The following C1orf159 variants were observed in gnomAD, a reference collection of about 807,000 sequenced individuals.
C1orf159 encodes chromosome 1 open reading frame 159, also known as uncharacterized protein C1orf159.
In C1orf159, 19 loss-of-function variants were observed where a neutral mutation model predicts 25.6. The observed-to-expected ratio is 0.74, with a 90% CI of 0.52 to 1.09. C1orf159 has a LOEUF of 1.09. C1orf159 is among the 50% of genes least tolerant of loss of function. The pLI is 0.00. For missense variants in C1orf159, 274 were observed against 290.6 expected (o/e 0.94, Z 0.42); for synonymous variants, 139 against 124.7 (o/e 1.12, Z -0.77).
chr1:1,112,236 C>T (rs769921290), intron 1 of C1orf159, among the ~76,000 whole-genome samples: 1 of 152,242 alleles, frequency 6.6e-6, no homozygotes. Flanking sequence ...CTTCCCGATA[C>T]GATCTCAGGA....
At position 1,110,276 on chromosome 1, in the gene C1orf159, GT is replaced by G. The variant is rs1646239571; in HGVS notation, c.-136+5783del. ...TATGGCCGGAAACTCAATTTTTAAG[GT>G]TTCTCTGGGGTCCCCTTGACCAAGA... On this transcript the variant is annotated intron_variant, in intron 1 of 9. Coordinates refer to ENST00000421241, the MANE Select transcript of C1orf159 (RefSeq NM_017891.5). The surrounding 1 kb of genome is among the most constrained non-coding windows in gnomAD (Gnocchi z 4.8). Among the ~76,000 whole-genome samples the G allele has an allele frequency of 6.6e-6, 1 of 152,170 alleles. No homozygotes were observed. The highest frequency in any genetic ancestry group is 6.5e-5 in the Admixed American group (1 of 15,270).
At chr1:1,105,847 C>G (rs1646163691) in intron 1 of C1orf159, 1 of 152,156 alleles carries the variant, frequency 6.6e-6, no homozygotes. Flanking sequence ...TGCACTCCAG[C>G]CTGGGCTACA....
intron 1 of C1orf159, among the ~76,000 whole-genome samples, chr1:1,113,791 C>T (rs1031459144): frequency 7.9e-5 from 12 of 152,150 alleles, no homozygotes; most frequent in Non-Finnish European, 8.8e-5. Context: ...TGGAGGCTTC[C>T]GGGGTGTTAC....
intron 1 of C1orf159, among the ~76,000 whole-genome samples, chr1:1,115,312 G>T (rs1005512358): frequency 1.3e-4 from 20 of 152,274 alleles, no homozygotes; most frequent in South Asian, 4.1e-4. Flanking sequence ...CTAGCCCTCG[G>T]CTACTCCAGG....
intron 1 of C1orf159, among the ~76,000 whole-genome samples, chr1:1,112,619 C>T (rs1197376937): frequency 6.6e-6 from 1 of 152,134 alleles, no homozygotes; most frequent in Non-Finnish European, 1.5e-5. Flanking sequence ...CTCCCTCCCT[C>T]CAGTGAACAC....
chr1:1,094,045 C>T (rs1645977283), intron 1 of C1orf159, among the ~76,000 whole-genome samples: 1 of 151,954 alleles, frequency 6.6e-6, no homozygotes, highest in South Asian at 2.1e-4. Flanking sequence ...TGCCTACTCA[C>T]ATCTTCTGCC....
At chr1:1,092,285 C>G (rs540790780) in intron 1 of C1orf159, 182 bp from the exon 2 acceptor site, 80 of 231,096 alleles carry the variant, frequency 3.5e-4, no homozygotes, top group African/African-American at 1.8e-3. Context: ...GAGCTGGCCT[C>G]CTGGCCTCCT....
chr1:1,104,062 G>A (rs111969028), intron 1 of C1orf159, among the ~76,000 whole-genome samples: 60 of 152,118 alleles, frequency 3.9e-4, no homozygotes, highest in African/African-American at 1.4e-3. Context: ...ATCTCAGCTC[G>A]CTGAAGCCTC....
At chr1:1,105,216 A>G (rs1646154375) in intron 1 of C1orf159, among the ~76,000 whole-genome samples, 1 of 152,218 alleles carries the variant, frequency 6.6e-6, no homozygotes, top group African/African-American at 2.4e-5. Flanking sequence ...AGTTTATAGA[A>G]ATTTTCAATT....
rs1449055766 is a variant in C1orf159 at position 1,087,600 on chromosome 1, G to A, written c.149-3C>T. ...CGCGTTCCAGCGCCTGTAACAGCCT[G>A]CGTGGGGCAGAGGACGGGCATGTCA... On this transcript the variant is annotated splice_region_variant and splice_polypyrimidine_tract_variant and intron_variant, in intron 4 of 9. Coordinates refer to ENST00000421241, the MANE Select transcript of C1orf159 (RefSeq NM_017891.5). This position sits in a 1 kb window ranked among gnomAD's most constrained non-coding sequence, Gnocchi z 8.3. The A allele has an allele frequency of 1.3e-6, 2 of 1,543,120 alleles. No individual in the cohort carries two copies. The highest frequency in any genetic ancestry group is 1.7e-6 in the Non-Finnish European group (2 of 1,144,766).
At position 1,086,020 on chromosome 1, in the gene C1orf159, C is replaced by T; in HGVS notation, c.311-8G>A. On this transcript the variant is annotated splice_polypyrimidine_tract_variant and splice_region_variant and intron_variant, in intron 6 of 9. Coordinates refer to ENST00000421241, the MANE Select transcript of C1orf159 (RefSeq NM_017891.5). Reference sequence around the variant, plus strand: ...CGGCCACGCGCGGAGCCCCTGCAAACAGACACCGCTGAGCAGACGGGCAGG... The same window carrying T: ...CGGCCACGCGCGGAGCCCCTGCAAATAGACACCGCTGAGCAGACGGGCAGG... 6 of 1,612,602 alleles carry T rather than the reference C, an allele frequency of 3.7e-6. No individual in the cohort carries two copies. The highest frequency in any genetic ancestry group is 3.3e-4 in the Middle Eastern group (2 of 6,014).
intron 1 of C1orf159, among the ~76,000 whole-genome samples, chr1:1,111,392 G>A (rs1646255059): frequency 6.6e-6 from 1 of 151,326 alleles, no homozygotes; most frequent in African/African-American, 2.4e-5. Context: ...AAAAATAGCT[G>A]GGCTTGGTGA....
chr1:1,082,637 C>T lies in C1orf159; in HGVS notation c.*256G>A. 1.9e-6 allele frequency: 1 copy of T among 527,652 alleles called. No individual in the cohort carries two copies. 32.7% of individuals were successfully genotyped at this position (527,652 alleles called of 1,614,324 possible). A position where few individuals can be genotyped will look rare whatever the true frequency, so the allele number is the denominator to read the frequency against. On this transcript the variant is annotated 3_prime_UTR_variant, in exon 10 of 10. Transcript: ENST00000421241. ...CTGGGGGGGCCCGGACCCCCCAAGG[C>T]CTCGATCTGAAGCTCTGAGGTCTCA...
Position 1,082,994 on chromosome 1 carries a change from C to A in C1orf159, c.503-7G>T, listed in dbSNP as rs375601866. 1.9e-6 allele frequency: 3 copies of A among 1,587,922 alleles called. No individual in the cohort carries two copies. The East Asian group carries it at 6.9e-5, about 36-fold the overall frequency. On this transcript the variant is annotated splice_region_variant and splice_polypyrimidine_tract_variant and intron_variant, in intron 9 of 9. Coordinates refer to ENST00000421241, the MANE Select transcript of C1orf159 (RefSeq NM_017891.5). ...ACGTAGCGCGGCTTCCGTACTGAAA[C>A]GGGTCAGAGACAGGCGAGGTCAGAG... is the stretch of plus-strand genomic sequence containing the variant.
At chr1:1,085,381 A>G in intron 7 of C1orf159, 1 of 332,318 alleles carries the variant, frequency 3.0e-6, no homozygotes, top group Non-Finnish European at 6.2e-6. Flanking sequence ...CACAGTCACA[A>G]GGCCGTCTCT....
At chr1:1,086,080 C>T (rs1645825869) in intron 6 of C1orf159, 68 bp from the exon 7 acceptor site, 7 of 1,567,640 alleles carry the variant, frequency 4.5e-6, no homozygotes, top group Non-Finnish European at 6.1e-6. Context: ...GCCCCCGGTG[C>T]CCCCTGCACA....
chr1:1,107,084 C>T lies in C1orf159; in HGVS notation c.-136+8976G>A, dbSNP rs546195660. 8.7e-4 allele frequency among the ~76,000 whole-genome samples: 133 copies of T among 152,338 alleles called. No individual in the cohort carries two copies. The South Asian group carries it at 0.013, about 15-fold the overall frequency. On this transcript the variant is annotated intron_variant, in intron 1 of 9. Transcript: ENST00000421241. ...TCCCACACAGCCCGAGCCTCCCCAA[C>T]GGGCACCACCCCCTGCTCCGCGGCA...
rs897875102 is a variant in C1orf159, at chr1:1,096,980, C to T, written c.-135-4877G>A. 2.6e-5 allele frequency among the ~76,000 whole-genome samples: 4 copies of T among 152,220 alleles called. No individual in the cohort carries two copies. In the East Asian group the frequency reaches 7.7e-4, roughly 29 times the overall value. On this transcript the variant is annotated intron_variant, in intron 1 of 9. Transcript: ENST00000421241. ...TCTTGAACTCCTGGGCTCAAACAAT[C>T]CTCCTGCCTCGGTCTCCCAAAGTGC...
intron 1 of C1orf159, among the ~76,000 whole-genome samples, chr1:1,107,202 T>C (rs1646186750): frequency 6.6e-6 from 1 of 152,262 alleles, no homozygotes; most frequent in South Asian, 2.1e-4. Flanking sequence ...CTGGGTCCAT[T>C]AGGCAAAGCC....
Sources: allele counts gnomAD v4.1 joint callset (sites outside exome capture counted in the v4.1 genomes callset), GRCh38; gene constraint gnomAD v4.1.1; non-coding constraint Gnocchi (gnomAD v3.1); transcripts MANE v1.5; gene names NCBI Gene and HGNC (gene_info 2026-07-23, HGNC 2026-07-21).